DNAJC13: variants seen among roughly 807,000 people sequenced by gnomAD.
DNAJC13 encodes DnaJ heat shock protein family (Hsp40) member C13.
In DNAJC13, 75 loss-of-function variants were observed where a neutral mutation model predicts 290.5. The observed-to-expected ratio is 0.26, with a 90% CI of 0.21 to 0.31. DNAJC13 has a LOEUF of 0.31. DNAJC13 is among the 10% of genes least tolerant of loss of function. The pLI, the probability that DNAJC13 is intolerant of heterozygous loss-of-function variation, is 1.00. For missense variants in DNAJC13, 2,260 were observed against 2,674.5 expected (o/e 0.85, Z 3.42); for synonymous variants, 862 against 892.0 (o/e 0.97, Z 0.60).
Position 132,507,365 on chromosome 3 carries a change from G to A in DNAJC13, c.5115+12G>A. 2.1e-6 allele frequency: 3 copies of A among 1,447,330 alleles called. No homozygotes were observed. The highest frequency in any genetic ancestry group is 2.9e-6 in the Non-Finnish European group (3 of 1,031,242). The allele number at this position is 1,447,330 out of a possible 1,614,324, so 89.7% of individuals were successfully genotyped here. On this transcript the variant is annotated intron_variant, in intron 43 of 55. Coordinates refer to ENST00000260818, the MANE Select transcript of DNAJC13 (RefSeq NM_015268.4). ...CTTTCCAACTGGAGGTAAGCTCTCTGCTTTTAATTTTACCTGATACCTTTG... is the reference window on the plus strand; with the variant it reads ...CTTTCCAACTGGAGGTAAGCTCTCTACTTTTAATTTTACCTGATACCTTTG...
intron 2 of DNAJC13, among the ~76,000 whole-genome samples, chr3:132,435,010 G>A (rs1207829729): frequency 6.6e-6 from 1 of 152,120 alleles, no homozygotes; most frequent in Non-Finnish European, 1.5e-5. Flanking sequence ...GAGAAAATAT[G>A]CCATTCTAGT....
chr3:132,492,470 A>C lies in DNAJC13; in HGVS notation c.3680A>C (p.Gln1227Pro), dbSNP rs753319947. 6.2e-7 allele frequency: 1 copy of C among 1,613,944 alleles called. No homozygotes were observed. The highest frequency in any genetic ancestry group is 2.2e-5 in the East Asian group (1 of 44,874). ...AHLADFTPRLQSNTRALYQYC... is the reference protein window; with the variant it reads ...AHLADFTPRLPSNTRALYQYC... ...CTCGCGGATTTCACACCTCGTCTTCAGAGTAACACAAGAGCACTTTATCAG... is the reference window on the plus strand; with the variant it reads ...CTCGCGGATTTCACACCTCGTCTTCCGAGTAACACAAGAGCACTTTATCAG... Residue 1227 changes from glutamine (Q) to proline (P), a missense_variant, in exon 33 of 56, where the codon CAG becomes CCG. Physicochemically the swap from Gln to Pro is moderately conservative, Grantham distance 76. Coordinates refer to ENST00000260818, the MANE Select transcript of DNAJC13 (RefSeq NM_015268.4).
intron 20 of DNAJC13, among the ~76,000 whole-genome samples, chr3:132,470,565 G>A (rs1181616089): frequency 5.1e-5 from 7 of 137,138 alleles, no homozygotes; most frequent in African/African-American, 8.2e-5. Context: ...AGGGGCGGCC[G>A]GGCAGAGGCG....
intron 46 of DNAJC13, among the ~76,000 whole-genome samples, chr3:132,515,879 T>C (rs1457315488): frequency 6.6e-6 from 1 of 152,190 alleles, no homozygotes; most frequent in Non-Finnish European, 1.5e-5. Context: ...CTGTCTGTCA[T>C]TCCCATTTGA....
chr3:132,430,918 A>G (rs1051785445), intron 1 of DNAJC13, among the ~76,000 whole-genome samples: 7 of 152,206 alleles, frequency 4.6e-5, no homozygotes, highest in African/African-American at 1.7e-4. Flanking sequence ...TGTCAGGACT[A>G]CATTTAGCTG....
rs1330303927 is a variant in DNAJC13 at position 132,496,409 on chromosome 3, T to G, written c.4021-119T>G. ...CTAGATTACAGTTGGAATGAATACCTTAATATAAACAATAAAATAATAGCT... is the reference window on the plus strand; with the variant it reads ...CTAGATTACAGTTGGAATGAATACCGTAATATAAACAATAAAATAATAGCT... On this transcript the variant is annotated intron_variant, in intron 35 of 55. Coordinates refer to ENST00000260818, the MANE Select transcript of DNAJC13 (RefSeq NM_015268.4). 11 of 994,558 alleles carry G rather than the reference T, an allele frequency of 1.1e-5. No homozygotes were observed. The East Asian group carries it at 3.1e-4, about 28-fold the overall frequency. The allele number at this position is 994,558 out of a possible 1,614,324, so 61.6% of individuals were successfully genotyped here.
In DNAJC13 at chr3:132,447,312, T is replaced by A; in HGVS notation, c.145-9T>A. Reference sequence around the variant, plus strand: ...TAGTAGCACCAGTCAAAATTTTTTTTTTTTTAAGTGGCCTTATGGAGACAT... The same window carrying A: ...TAGTAGCACCAGTCAAAATTTTTTTATTTTTAAGTGGCCTTATGGAGACAT... On this transcript the variant is annotated splice_polypyrimidine_tract_variant and intron_variant, in intron 3 of 55. Coordinates refer to ENST00000260818, the MANE Select transcript of DNAJC13 (RefSeq NM_015268.4). 1 of 1,546,666 alleles carries A rather than the reference T, an allele frequency of 6.5e-7. No individual in the cohort carries two copies. Among genetic ancestry groups the A allele is most frequent in the Non-Finnish European group, 8.6e-7 (1 of 1,156,710 alleles).
intron 36 of DNAJC13, 109 bp downstream of exon 36, chr3:132,496,772 T>C (rs1316310617): frequency 5.8e-6 from 6 of 1,034,728 alleles, no homozygotes; most frequent in African/African-American, 1.7e-5. Flanking sequence ...TTTAGAATTA[T>C]TGTTTAAAAG....
At chr3:132,483,708 A>G in intron 28 of DNAJC13, 131 bp downstream of exon 28, 3 of 964,676 alleles carry the variant, frequency 3.1e-6, no homozygotes, top group Non-Finnish European at 4.5e-6. Flanking sequence ...GACCTTTGGA[A>G]TTTTTTGAAA....
At chr3:132,469,860 G>A (rs766998649) in intron 20 of DNAJC13, among the ~76,000 whole-genome samples, 34 of 148,598 alleles carry the variant, frequency 2.3e-4, no homozygotes, top group Non-Finnish European at 3.9e-4. Context: ...ACAGACTTCC[G>A]TGTTTTAATC....
At chr3:132,534,570 A>C (rs893945562) in intron 55 of DNAJC13, among the ~76,000 whole-genome samples, 1 of 152,198 alleles carries the variant, frequency 6.6e-6, no homozygotes, top group African/African-American at 2.4e-5. Flanking sequence ...TCTTGAGCCT[A>C]GGAGGTGGAG....
intron 16 of DNAJC13, among the ~76,000 whole-genome samples, chr3:132,463,471 T>TGA (rs1933874011): frequency 6.6e-6 from 1 of 152,210 alleles, no homozygotes; most frequent in Admixed American, 6.5e-5. Context: ...GCATAGTTTA[T>TGA]GAGGTAAATT....
chr3:132,496,147 C>T lies in DNAJC13; in HGVS notation c.4021-381C>T, dbSNP rs72992372. 3.9e-3 allele frequency among the ~76,000 whole-genome samples: 596 copies of T among 152,216 alleles called. 5 individuals are homozygous for T. Among genetic ancestry groups the T allele is most frequent in the African/African-American group, 0.014 (573 of 41,532 alleles). On this transcript the variant is annotated intron_variant, in intron 35 of 55. Transcript: ENST00000260818. The stretch of plus-strand genomic sequence containing the variant: ...GTAAAAAATGAGGATGATAATGGTA[C>T]ACACTTTACATGGCTGTTTGAGGAT...
rs143094551 is a variant in DNAJC13, at chr3:132,453,364, A to T, written c.604A>T (p.Ile202Leu). ...KSAIDHAGNY[I>L]GISLRIRKEP... ...TGCAATAGACCATGCTGGTAACTAC[A>T]TAGGTATTTCATTGCGGATCAGGAA... The change falls in exon 7 of 56, where the codon ATA becomes TTA. Residue 202 changes from isoleucine (I) to leucine (L), a missense_variant. Physicochemically the swap from Ile to Leu is conservative, Grantham distance 5. This residue lies in a region of DNAJC13 where 762 missense variants were observed against 964.1 expected (regional missense o/e 0.79). Coordinates refer to ENST00000260818, the MANE Select transcript of DNAJC13 (RefSeq NM_015268.4). 11 of 1,613,836 alleles carry T rather than the reference A, an allele frequency of 6.8e-6. No homozygotes were observed. Among genetic ancestry groups the T allele is most frequent in the Non-Finnish European group, 9.3e-6 (11 of 1,179,924 alleles).
At chr3:132,508,930 T>C (rs568578369) in intron 43 of DNAJC13, among the ~76,000 whole-genome samples, 1 of 152,330 alleles carries the variant, frequency 6.6e-6, no homozygotes, top group African/African-American at 2.4e-5. Context: ...ATACTACTGC[T>C]CGTTGGCAAT....
At chr3:132,536,622 A>G (rs1181110993) in intron 55 of DNAJC13, among the ~76,000 whole-genome samples, 1 of 152,194 alleles carries the variant, frequency 6.6e-6, no homozygotes, top group African/African-American at 2.4e-5. Flanking sequence ...TAAGGGTTAC[A>G]TCTTTGATGA....
chr3:132,432,775 C>T (rs1021023824), intron 1 of DNAJC13, among the ~76,000 whole-genome samples: 2 of 152,158 alleles, frequency 1.3e-5, no homozygotes, highest in Non-Finnish European at 2.9e-5. Context: ...GGTTTCATTG[C>T]ATGTGACTGT....
chr3:132,500,923 A>G lies in DNAJC13; in HGVS notation c.4536+10A>G. 6.2e-7 allele frequency: 1 copy of G among 1,613,504 alleles called. No homozygotes were observed. The highest frequency in any genetic ancestry group is 8.5e-7 in the Non-Finnish European group (1 of 1,179,632). On this transcript the variant is annotated intron_variant, in intron 39 of 55. Coordinates refer to ENST00000260818, the MANE Select transcript of DNAJC13 (RefSeq NM_015268.4). ...ACTATATTTTGGCAAGGTAGGGTTA[A>G]TCTTTAATGCTTTCTAGATACAGAC...
chr3:132,509,103 G>C (rs1337361673), intron 43 of DNAJC13, among the ~76,000 whole-genome samples: 1 of 152,252 alleles, frequency 6.6e-6, no homozygotes, highest in Non-Finnish European at 1.5e-5. Context: ...AGCTGCCATA[G>C]ATAGTGATTC....
Sources: gnomAD v4.1 joint callset for allele counts (sites outside exome capture counted in the v4.1 genomes callset) on GRCh38, gnomAD v4.1.1 for gene constraint, gnomAD v4.1.1 regional missense constraint, MANE v1.5 for transcripts, NCBI Gene and HGNC (gene_info 2026-07-23, HGNC 2026-07-21) for gene names.